OTOF: variants seen among roughly 807,000 people sequenced by gnomAD.
OTOF encodes fer-1-like family member 2.
In OTOF, 218 loss-of-function variants were observed where a neutral mutation model predicts 236.8. The ratio of observed to expected loss-of-function variants is 0.92; its 90% confidence interval spans 0.82 to 1.03. OTOF has a LOEUF of 1.03. Among genes scored for constraint, OTOF ranks in the 50% least tolerant of loss-of-function variants. The pLI is 0.00. For synonymous variants in OTOF, 1,041 were observed against 1,072.5 expected (o/e 0.97, Z 0.57); for missense variants, 2,590 against 2,694.4 (o/e 0.96, Z 0.86).
intron 11 of OTOF, among the ~76,000 whole-genome samples, chr2:26,488,780 AGG>A (rs1479128085): frequency 7.9e-5 from 12 of 152,180 alleles, no homozygotes; most frequent in African/African-American, 2.2e-4. Flanking sequence ...AGGGGTGGAA[AGG>A]GGTTCTTTTC....
chr2:26,484,358 C>T (rs554774299), intron 12 of OTOF, 116 bp downstream of exon 12: 10 of 1,114,306 alleles, frequency 9.0e-6, no homozygotes, highest in East Asian at 2.5e-5. Context: ...GGAGAGTGAG[C>T]GAGAGCAGGG....
At chr2:26,497,961 T>A (rs947401840) in intron 8 of OTOF, among the ~76,000 whole-genome samples, 2 of 152,212 alleles carry the variant, frequency 1.3e-5, no homozygotes, top group African/African-American at 4.8e-5. Flanking sequence ...CATGAATTTT[T>A]CCACAACTAA....
chr2:26,531,757 A>G (rs1666953827), intron 2 of OTOF, among the ~76,000 whole-genome samples: 1 of 151,466 alleles, frequency 6.6e-6, no homozygotes, highest in African/African-American at 2.4e-5. Context: ...TGGGAGCTAC[A>G]CTCCTCTCCT....
At chr2:26,497,299 C>G (rs1164324564) in intron 8 of OTOF, among the ~76,000 whole-genome samples, 1 of 152,092 alleles carries the variant, frequency 6.6e-6, no homozygotes, top group African/African-American at 2.4e-5. Flanking sequence ...CGAGGTTTCA[C>G]CATGTTGGCC....
Position 26,462,364 on chromosome 2 carries a change from C to T in OTOF, c.5193-183G>A, listed in dbSNP as rs1159462927. Among the ~76,000 whole-genome samples the T allele has an allele frequency of 6.6e-6, 1 of 151,748 alleles. No homozygotes were observed. The highest frequency in any genetic ancestry group is 6.6e-5 in the Admixed American group (1 of 15,248). ...GAGCAGAGGCATGAGTGAGAAGGCCCACCAGGCACATGGCTGTGGGCGGTG... is the reference window on the plus strand; with the variant it reads ...GAGCAGAGGCATGAGTGAGAAGGCCTACCAGGCACATGGCTGTGGGCGGTG... On this transcript the variant is annotated intron_variant, in intron 41 of 46. Transcript: ENST00000272371. This position sits in a 1 kb window ranked among gnomAD's most constrained non-coding sequence, Gnocchi z 4.7.
intron 46 of OTOF, among the ~76,000 whole-genome samples, chr2:26,459,279 G>A (rs910031532): frequency 5.3e-5 from 8 of 152,140 alleles, no homozygotes; most frequent in Admixed American, 3.3e-4. Flanking sequence ...TCGGCTGGGC[G>A]CGGTGGCTCA....
At chr2:26,497,766 G>A (rs1409906080) in intron 8 of OTOF, among the ~76,000 whole-genome samples, 2 of 152,186 alleles carry the variant, frequency 1.3e-5, no homozygotes, top group African/African-American at 4.8e-5. Context: ...AGAATCTGGA[G>A]CTTCACAGAA....
intron 8 of OTOF, among the ~76,000 whole-genome samples, chr2:26,500,069 A>C (rs1322930705): frequency 6.6e-6 from 1 of 152,186 alleles, no homozygotes; most frequent in Non-Finnish European, 1.5e-5. Flanking sequence ...ATGAAGATGA[A>C]CCAGGGACCC....
rs1335268910 is a variant in OTOF at position 26,480,753 on chromosome 2, CCCTGGGGGACAGCACAGTG to C, written c.1803+14_1803+32del. Reference sequence around the variant, plus strand: ...AGGGAGAAGGGGGCTGAGCTGGAGGCCCTGGGGGACAGCACAGTGCCTGGGGTCTCACCTCCGAGATGGG... The same window carrying C: ...AGGGAGAAGGGGGCTGAGCTGGAGGCCCTGGGGTCTCACCTCCGAGATGGG... On this transcript the variant is annotated intron_variant, in intron 15 of 46. Transcript: ENST00000272371. 1.3e-6 allele frequency: 2 copies of C among 1,568,976 alleles called. No individual in the cohort carries two copies. Among genetic ancestry groups the C allele is most frequent in the Non-Finnish European group, 1.7e-6 (2 of 1,143,582 alleles).
intron 2 of OTOF, among the ~76,000 whole-genome samples, chr2:26,534,048 G>C (rs969418809): frequency 7.9e-5 from 12 of 152,112 alleles, no homozygotes; most frequent in African/African-American, 2.7e-4. Flanking sequence ...TGAGGGCAGG[G>C]CTGAGTCTTG....
intron 26 of OTOF, 28 bp downstream of exon 26, chr2:26,474,485 C>T: frequency 6.4e-7 from 1 of 1,567,934 alleles, no homozygotes; most frequent in South Asian, 1.2e-5. Flanking sequence ...AGTCCCCAGG[C>T]CTCAGCCCCT....
intron 1 of OTOF, among the ~76,000 whole-genome samples, chr2:26,546,182 C>T (rs769976776): frequency 6.6e-6 from 1 of 152,156 alleles, no homozygotes; most frequent in Non-Finnish European, 1.5e-5. Flanking sequence ...AAACCATGGC[C>T]AGGCGAAGTG....
At chr2:26,540,709 G>GA (rs1266245941) in intron 1 of OTOF, among the ~76,000 whole-genome samples, 2 of 151,970 alleles carry the variant, frequency 1.3e-5, no homozygotes, top group Non-Finnish European at 2.9e-5. Context: ...GATGCAGTCT[G>GA]AAAGGGTGTG....
chr2:26,466,289 A>C, intron 36 of OTOF: 1 of 615,848 alleles, frequency 1.6e-6, no homozygotes, highest in Non-Finnish European at 2.9e-6. Context: ...AGACCAAATG[A>C]TCTCCCTGGT....
chr2:26,558,610 CG>C lies in OTOF; in HGVS notation c.-40del. On this transcript the variant is annotated 5_prime_UTR_variant, in exon 1 of 47. Transcript: ENST00000272371. ...GCCTGGCACTGCCAGGCAGGAGCAG[CG>C]GGAAGGAGCTAGCCGGTGGAGCACG... The C allele has an allele frequency of 6.5e-7, 1 of 1,550,250 alleles. No homozygotes were observed. Among genetic ancestry groups the C allele is most frequent in the East Asian group, 2.2e-5 (1 of 44,504 alleles).
chr2:26,552,064 T>G (rs1667474087), intron 1 of OTOF, among the ~76,000 whole-genome samples: 1 of 141,158 alleles, frequency 7.1e-6, no homozygotes, highest in African/African-American at 2.6e-5. Flanking sequence ...TTGTATGTAT[T>G]TGAGAGTTTT....
At chr2:26,537,857 C>T (rs1488131745) in intron 1 of OTOF, 83 bp from the exon 2 acceptor site, 15 of 1,021,930 alleles carry the variant, frequency 1.5e-5, no homozygotes, top group African/African-American at 8.0e-5. Context: ...TCCTGGGAGT[C>T]GTCCTAACAG....
rs72815218 is a variant in OTOF, at chr2:26,523,095, C to A, written c.228-3986G>T. ...GGGAGCCCGTGTCAGGTGTCCTGGG[C>A]CCTGCGAGGCCTCTCCTGCTGTCCT... On this transcript the variant is annotated intron_variant, in intron 3 of 46. Coordinates refer to ENST00000272371, the MANE Select transcript of OTOF (RefSeq NM_194248.3). Among the ~76,000 whole-genome samples the A allele has an allele frequency of 5.8e-3, 884 of 152,348 alleles. 3 individuals are homozygous for A. The highest frequency in any genetic ancestry group is 0.01 in the Middle Eastern group (3 of 294).
intron 2 of OTOF, among the ~76,000 whole-genome samples, chr2:26,531,280 G>A (rs559046024): frequency 6.6e-6 from 1 of 152,276 alleles, no homozygotes; most frequent in East Asian, 1.9e-4. Flanking sequence ...CACGCAGACT[G>A]GGAGTCTCCG....
Sources: gnomAD v4.1 joint callset for allele counts (sites outside exome capture counted in the v4.1 genomes callset) on GRCh38, gnomAD v4.1.1 for gene constraint, Gnocchi (gnomAD v3.1) non-coding constraint, MANE v1.5 for transcripts, NCBI Gene and HGNC (gene_info 2026-07-23, HGNC 2026-07-21) for gene names.